The following KIAA1958 variants were observed in gnomAD, a reference collection of about 807,000 sequenced individuals.
The protein encoded by KIAA1958 is uncharacterized protein KIAA1958.
KIAA1958 carries 14 observed loss-of-function variants against 47.2 expected under a neutral mutation model. That is an observed-to-expected ratio of 0.30 (90% CI 0.20 to 0.46). The LOEUF (loss-of-function observed/expected upper bound fraction) is 0.46. Among genes scored for constraint, KIAA1958 ranks in the 20% least tolerant of loss-of-function variants. The probability of loss-of-function intolerance (pLI) is 1.00; values close to 1 mark genes in which losing one functional copy is unlikely to be tolerated. For missense variants in KIAA1958, 803 were observed against 909.2 expected (o/e 0.88, Z 1.50); for synonymous variants, 354 against 353.3 (o/e 1.00, Z -0.02).
intron 1 of KIAA1958, among the ~76,000 whole-genome samples, chr9:112,533,214 A>G (rs970356303): frequency 1.6e-4 from 25 of 151,964 alleles, no homozygotes; most frequent in African/African-American, 9.7e-5. Flanking sequence ...TTTTTAAGGG[A>G]TGTATTAATC....
At chr9:112,522,133 A>G (rs1022737244) in intron 1 of KIAA1958, among the ~76,000 whole-genome samples, 6 of 151,990 alleles carry the variant, frequency 3.9e-5, no homozygotes, top group African/African-American at 1.4e-4. Context: ...CACCATGCCC[A>G]GCTAATTTTC....
At chr9:112,518,261 G>T (rs935662444) in intron 1 of KIAA1958, among the ~76,000 whole-genome samples, 3 of 152,186 alleles carry the variant, frequency 2.0e-5, no homozygotes, top group African/African-American at 7.2e-5. Flanking sequence ...ATGAAGACTT[G>T]TATGTACATG....
In KIAA1958 at chr9:112,618,491, A is replaced by C; in HGVS notation, c.1172-27159A>C. 1 of 1,550,762 alleles carries C rather than the reference A, an allele frequency of 6.4e-7. No individual in the cohort carries two copies. The highest frequency in any genetic ancestry group is 8.7e-7 in the Non-Finnish European group (1 of 1,147,032). Reference sequence around the variant, plus strand: ...TGGAGACTTGAATGCCAAAACCAAGAGAGGGGGGACAGACTCCCGTGTGTA... The same window carrying C: ...TGGAGACTTGAATGCCAAAACCAAGCGAGGGGGGACAGACTCCCGTGTGTA... On this transcript the variant is annotated intron_variant, in intron 2 of 3. Transcript: ENST00000337530. The surrounding 1 kb of genome is among the most constrained non-coding windows in gnomAD (Gnocchi z 7.1).
At chr9:112,643,386 T>A (rs1269200913) in intron 2 of KIAA1958, among the ~76,000 whole-genome samples, 2 of 152,230 alleles carry the variant, frequency 1.3e-5, no homozygotes, top group East Asian at 1.9e-4. Flanking sequence ...AAAACAGGAA[T>A]AACAAAGGGA....
At chr9:112,657,925 C>T (rs940772852) in intron 3 of KIAA1958, among the ~76,000 whole-genome samples, 16 of 151,474 alleles carry the variant, frequency 1.1e-4, no homozygotes, top group African/African-American at 3.6e-4. Context: ...GGCGCAATCT[C>T]GGCTCACTGT....
intron 1 of KIAA1958, among the ~76,000 whole-genome samples, chr9:112,487,946 C>CGCGTGTGT (rs112995293): frequency 6.9e-6 from 1 of 145,734 alleles, no homozygotes. Flanking sequence ...AGTGTGTGTG[C>CGCGTGTGT]GTGTGTGTGT....
chr9:112,641,256 T>C (rs1348555258), intron 2 of KIAA1958, among the ~76,000 whole-genome samples: 1 of 152,112 alleles, frequency 6.6e-6, no homozygotes, highest in African/African-American at 2.4e-5. Context: ...AGCATTTGAA[T>C]GCTGCTTTAG....
At chr9:112,636,499 T>A (rs979915300) in intron 2 of KIAA1958, among the ~76,000 whole-genome samples, 1 of 152,150 alleles carries the variant, frequency 6.6e-6, no homozygotes, top group African/African-American at 2.4e-5. Flanking sequence ...TAATCATAGA[T>A]TTGCCTATTT....
chr9:112,635,360 C>G (rs1023921544), intron 2 of KIAA1958, among the ~76,000 whole-genome samples: 2 of 152,016 alleles, frequency 1.3e-5, no homozygotes, highest in African/African-American at 4.8e-5. Context: ...AAGCCATCCT[C>G]TCACCTCAGC....
At chr9:112,637,378 T>TTTTTA (rs1262830459) in intron 2 of KIAA1958, among the ~76,000 whole-genome samples, 1 of 152,132 alleles carries the variant, frequency 6.6e-6, no homozygotes, top group Non-Finnish European at 1.5e-5. Context: ...TTTACCTTTA[T>TTTTTA]TTTTATTTTA....
Position 112,618,986 on chromosome 9 carries a change from C to T in KIAA1958, c.1172-26664C>T, listed in dbSNP as rs373267558. On this transcript the variant is annotated intron_variant, in intron 2 of 3. Transcript: ENST00000337530. The surrounding 1 kb of genome is among the most constrained non-coding windows in gnomAD (Gnocchi z 7.1). The stretch of plus-strand genomic sequence containing the variant: ...GAAACTGTGATTATACACCGCTTCT[C>T]GTTCCCCTTCCTGTGCCCTCAGTGT... 7.6e-6 allele frequency: 11 copies of T among 1,440,276 alleles called. No individual in the cohort carries two copies. Among genetic ancestry groups the T allele is most frequent in the Admixed American group, 2.7e-5 (1 of 37,000 alleles). The allele number at this position is 1,440,276 out of a possible 1,614,324, so 89.2% of individuals were successfully genotyped here.
chr9:112,651,133 G>T (rs957071538), intron 3 of KIAA1958, among the ~76,000 whole-genome samples: 2 of 152,126 alleles, frequency 1.3e-5, no homozygotes, highest in Non-Finnish European at 2.9e-5. Context: ...CTGAAAATCA[G>T]TAGGGATAAG....
rs57032014 is a variant in KIAA1958, at chr9:112,533,580, C to CAAAAAA, written c.-24-40457_-24-40452dup. Among the ~76,000 whole-genome samples the CAAAAAA allele has an allele frequency of 3.2e-5, 4 of 125,390 alleles. No homozygotes were observed. In the East Asian group the frequency reaches 9.2e-4, roughly 29 times the overall value. 82.3% of individuals were successfully genotyped at this position (125,390 alleles called of 152,430 possible). A position where few individuals can be genotyped will look rare whatever the true frequency, so the allele number is the denominator to read the frequency against. On this transcript the variant is annotated intron_variant, in intron 1 of 3. Transcript: ENST00000337530. ...TGGGCGACACAGCGAGACTCCATCC[C>CAAAAAA]AAAAAAAAAAAAAAAAAAAAAAAAA...
chr9:112,516,601 C>T (rs2132789097), intron 1 of KIAA1958, among the ~76,000 whole-genome samples: 1 of 152,250 alleles, frequency 6.6e-6, no homozygotes, highest in Non-Finnish European at 1.5e-5. Flanking sequence ...AATTGACAAA[C>T]TGATTATAAA....
chr9:112,529,669 A>G (rs907545498), intron 1 of KIAA1958, among the ~76,000 whole-genome samples: 4 of 152,178 alleles, frequency 2.6e-5, no homozygotes, highest in Non-Finnish European at 5.9e-5. Flanking sequence ...TTACCACATC[A>G]TATCAATGCT....
At chr9:112,596,107 T>C (rs567608361) in intron 2 of KIAA1958, among the ~76,000 whole-genome samples, 12 of 152,154 alleles carry the variant, frequency 7.9e-5, no homozygotes, top group Non-Finnish European at 1.6e-4. Flanking sequence ...ACATATGGAG[T>C]ATACAGTAAA....
chr9:112,607,444 T>C (rs1209344330), intron 2 of KIAA1958, among the ~76,000 whole-genome samples: 1 of 151,820 alleles, frequency 6.6e-6, no homozygotes, highest in Non-Finnish European at 1.5e-5. Flanking sequence ...AAAATAAACG[T>C]TCCCTTTTGA....
At chr9:112,604,770 C>G (rs1027131436) in intron 2 of KIAA1958, among the ~76,000 whole-genome samples, 1 of 151,844 alleles carries the variant, frequency 6.6e-6, no homozygotes, top group Non-Finnish European at 1.5e-5. Flanking sequence ...GGATGTTCAT[C>G]CTTTGAAATA....
chr9:112,573,452 C>T (rs1372180580), intron 1 of KIAA1958, among the ~76,000 whole-genome samples: 1 of 152,174 alleles, frequency 6.6e-6, no homozygotes, highest in African/African-American at 2.4e-5. Context: ...CCCTTCTCTG[C>T]TTTTCTTTCC....
Sources: allele counts gnomAD v4.1 joint callset (sites outside exome capture counted in the v4.1 genomes callset), GRCh38; gene constraint gnomAD v4.1.1; non-coding constraint Gnocchi (gnomAD v3.1); transcripts MANE v1.5; gene names NCBI Gene and HGNC (gene_info 2026-07-23, HGNC 2026-07-21).